Variants in MAP7D1 observed in about 807,000 individuals in gnomAD.
MAP7D1 encodes the protein MAP7 domain containing 1.
MAP7D1 carries 30 observed loss-of-function variants against 97.5 expected under a neutral mutation model. That is an observed-to-expected ratio of 0.31 (90% CI 0.23 to 0.42). The LOEUF (loss-of-function observed/expected upper bound fraction) is 0.42. Among genes scored for constraint, MAP7D1 ranks in the 10% least tolerant of loss-of-function variants. MAP7D1 has a pLI of 1.00. For missense variants in MAP7D1, 1,184 were observed against 1,179.5 expected, an observed-to-expected ratio of 1.00 and a Z score of -0.06; for synonymous variants, 536 against 477.1, an observed-to-expected ratio of 1.12 and a Z score of -1.61.
intron 1 of MAP7D1, among the ~76,000 whole-genome samples, chr1:36,164,919 T>C (rs907413428): frequency 4.6e-5 from 7 of 152,218 alleles, no homozygotes; most frequent in African/African-American, 1.4e-4. Flanking sequence ...CAAATAGTTA[T>C]GGAGCACCTA....
intron 5 of MAP7D1, among the ~76,000 whole-genome samples, chr1:36,173,934 G>T (rs765806657): frequency 6.6e-6 from 1 of 152,086 alleles, no homozygotes; most frequent in Non-Finnish European, 1.5e-5. Context: ...TTATGCAATG[G>T]CAAGTTTCAG....
rs564687345 is a variant in MAP7D1 at position 36,171,440 on chromosome 1, A to T, written c.392-73A>T. 2.0e-5 allele frequency: 32 copies of T among 1,581,254 alleles called. No homozygotes were observed. In the South Asian group the frequency reaches 3.4e-4, roughly 17 times the overall value. On this transcript the variant is annotated intron_variant, in intron 2 of 16. Transcript: ENST00000474796. ...AAAGAAAGGATGGGGTGAGGCCCGG[A>T]GGGAGGGATCTGAGGCTGACTCCTC... is the stretch of plus-strand genomic sequence containing the variant.
chr1:36,161,910 T>TGTGTGTGTGTGTGTGA (rs750232866), intron 1 of MAP7D1, among the ~76,000 whole-genome samples: 1 of 105,548 alleles, frequency 9.5e-6, no homozygotes, highest in Admixed American at 9.2e-5. Flanking sequence ...TGTGTGTGTG[T>TGTGTGTGTGTGTGTGA]GAGAGAGAGA....
In MAP7D1 at chr1:36,180,250, G is replaced by A. The variant is rs1644698580; in HGVS notation, c.2515G>A (p.Val839Ile). The A allele has an allele frequency of 1.2e-6, 2 of 1,614,206 alleles. No homozygotes were observed. The highest frequency in any genetic ancestry group is 2.2e-5 in the South Asian group (2 of 91,084). The part of the protein sequence containing the change: ...AVVQSPQVTE[V>I]L ...TTTCCCTTCCTGTTTTTCCCCAGAAGTCCTTTAAGAGGGTTTGCCTTGGAT... is the reference window on the plus strand; with the variant it reads ...TTTCCCTTCCTGTTTTTCCCCAGAAATCCTTTAAGAGGGTTTGCCTTGGAT... Residue 839 changes from valine (V) to isoleucine (I), a missense_variant and splice_region_variant, in exon 17 of 17, where the codon GTC (valine) becomes ATC (isoleucine). Transcript: ENST00000474796.
At chr1:36,161,065 G>A (rs1644402069) in intron 1 of MAP7D1, among the ~76,000 whole-genome samples, 1 of 152,232 alleles carries the variant, frequency 6.6e-6, no homozygotes, top group South Asian at 2.1e-4. Context: ...CAGGAAGTGG[G>A]TGCTCCTGAT....
intron 13 of MAP7D1, 76 bp downstream of exon 13, chr1:36,179,391 G>GGCCACGGAGGAT: frequency 6.3e-7 from 1 of 1,593,066 alleles, no homozygotes; most frequent in Non-Finnish European, 8.6e-7. Flanking sequence ...AGGCATCCAT[G>GGCCACGGAGGAT]GCCACGGAGA....
chr1:36,166,193 C>T (rs1644472630), intron 1 of MAP7D1, among the ~76,000 whole-genome samples: 1 of 152,124 alleles, frequency 6.6e-6, no homozygotes, highest in Non-Finnish European at 1.5e-5. Flanking sequence ...CAGTACAAAG[C>T]CCTGAGGCAG....
chr1:36,174,619 G>A (rs548212685), intron 5 of MAP7D1, among the ~76,000 whole-genome samples: 7 of 152,262 alleles, frequency 4.6e-5, no homozygotes, highest in African/African-American at 1.7e-4. Context: ...GTAAGGAATG[G>A]CTTCCTTGGT....
Position 36,156,431 on chromosome 1 carries a change from C to A in MAP7D1, c.14C>A (p.Pro5Gln). 6.8e-7 allele frequency: 1 copy of A among 1,479,114 alleles called. No individual in the cohort carries two copies. The highest frequency in any genetic ancestry group is 8.9e-7 in the Non-Finnish European group (1 of 1,122,984). 91.6% of individuals were successfully genotyped at this position (1,479,114 alleles called of 1,614,324 possible). Residue 5 changes from proline (P) to glutamine (Q), a missense_variant, in exon 1 of 17, where the codon CCG (proline) becomes CAG (glutamine). Physicochemically the swap from Pro to Gln is moderately conservative, Grantham distance 76. Transcript: ENST00000474796. ...GACGCCGCAGCCATGGAGAGCGGCC[C>A]GCGTGCGGAGCTGGGGGCGGGCGCA... MESG[P>Q]RAELGAGAPP...
intron 1 of MAP7D1, among the ~76,000 whole-genome samples, chr1:36,162,243 G>C (rs1239233945): frequency 1.3e-5 from 2 of 152,148 alleles, no homozygotes; most frequent in Admixed American, 6.5e-5. Context: ...GAGGTGGGCT[G>C]TTCTCCCCTA....
At chr1:36,177,783 G>A in intron 8 of MAP7D1, 90 bp from the exon 9 acceptor site, 1 of 1,502,608 alleles carries the variant, frequency 6.7e-7, no homozygotes. Context: ...ATGTAGCCTG[G>A]GGGAGGGGGC....
At chr1:36,161,570 A>C (rs1256468496) in intron 1 of MAP7D1, among the ~76,000 whole-genome samples, 1 of 152,244 alleles carries the variant, frequency 6.6e-6, no homozygotes, top group East Asian at 1.9e-4. Context: ...GGCAAAGGTT[A>C]AATGAACTAA....
rs535078976 is a variant in MAP7D1, at chr1:36,160,866, C to G, written c.46+4403C>G. ...CAGGTTGGAGCCTAAGCAGTTGAAC[C>G]AGGAGGAAGGCCCCGGACCCAGGTG... On this transcript the variant is annotated intron_variant, in intron 1 of 16. Coordinates refer to ENST00000474796, the MANE Select transcript of MAP7D1 (RefSeq NM_001388490.1). Among the ~76,000 whole-genome samples the G allele has an allele frequency of 7.3e-4, 111 of 152,348 alleles. 3 individuals are homozygous for G. The South Asian group carries it at 0.022, about 31-fold the overall frequency.
intron 1 of MAP7D1, among the ~76,000 whole-genome samples, chr1:36,164,587 G>A (rs539042304): frequency 6.6e-6 from 1 of 152,308 alleles, no homozygotes; most frequent in East Asian, 1.9e-4. Context: ...TTAAAGGAAG[G>A]TCAGTGTGGC....
intron 8 of MAP7D1, among the ~76,000 whole-genome samples, chr1:36,177,146 C>T (rs1232674244): frequency 6.6e-6 from 1 of 152,110 alleles, no homozygotes; most frequent in Non-Finnish European, 1.5e-5. Flanking sequence ...GTGGGGGTTT[C>T]GCTACGTTGT....
chr1:36,161,863 A>ATG (rs371183852), intron 1 of MAP7D1, among the ~76,000 whole-genome samples: 7 of 137,954 alleles, frequency 5.1e-5, no homozygotes, highest in South Asian at 2.3e-4. Context: ...TTTCCTCTGC[A>ATG]TGTGTGTGTG....
chr1:36,174,038 G>A (rs1483945446), intron 5 of MAP7D1, among the ~76,000 whole-genome samples: 1 of 152,196 alleles, frequency 6.6e-6, no homozygotes, highest in African/African-American at 2.4e-5. Context: ...GTGACCTTGT[G>A]TACCTCAGTG....
At chr1:36,168,296 GA>G (rs5773520) in intron 1 of MAP7D1, among the ~76,000 whole-genome samples, 72 of 138,176 alleles carry the variant, frequency 5.2e-4, no homozygotes, top group Admixed American at 5.9e-4. Flanking sequence ...TCCATCTCAG[GA>G]AAAAAAAAAA....
In MAP7D1 at chr1:36,176,923, C is replaced by A; in HGVS notation, c.1379+81C>A. The stretch of plus-strand genomic sequence containing the variant: ...CCACAAATATTTGTTGGGCAACCAC[C>A]TCTAGAATGCAACTTCCCTGAGGGC... On this transcript the variant is annotated intron_variant, in intron 8 of 16. Transcript: ENST00000474796. The surrounding 1 kb of genome is among the most constrained non-coding windows in gnomAD (Gnocchi z 6.1). 8.2e-7 allele frequency: 1 copy of A among 1,221,458 alleles called. No homozygotes were observed. Among genetic ancestry groups the A allele is most frequent in the Non-Finnish European group, 1.2e-6 (1 of 865,814 alleles). 75.7% of individuals were successfully genotyped at this position (1,221,458 alleles called of 1,614,324 possible). A position where few individuals can be genotyped will look rare whatever the true frequency, so the allele number is the denominator to read the frequency against.
Sources: gnomAD v4.1 joint callset for allele counts (sites outside exome capture counted in the v4.1 genomes callset) on GRCh38, gnomAD v4.1.1 for gene constraint, Gnocchi (gnomAD v3.1) non-coding constraint, MANE v1.5 for transcripts, NCBI Gene and HGNC (gene_info 2026-07-23, HGNC 2026-07-21) for gene names.